Variants in AGBL2 observed in about 807,000 individuals in gnomAD.
AGBL2 encodes AGBL carboxypeptidase 2.
A neutral mutation model predicts 103.0 loss-of-function variants in AGBL2; 87 were observed. That is an observed-to-expected ratio of 0.84 (90% CI 0.71 to 1.01). The LOEUF (loss-of-function observed/expected upper bound fraction) is 1.01. Among genes scored for constraint, AGBL2 ranks in the 50% least tolerant of loss-of-function variants. The pLI is 0.00. For synonymous variants in AGBL2, 335 were observed against 356.7 expected (o/e 0.94, Z 0.69); for missense variants, 904 against 1,023.5 (o/e 0.88, Z 1.59).
At chr11:47,689,172 G>A (rs543813921) in intron 10 of AGBL2, among the ~76,000 whole-genome samples, 1 of 152,018 alleles carries the variant, frequency 6.6e-6, no homozygotes, top group Non-Finnish European at 1.5e-5. Context: ...CTTTCTTTGT[G>A]ATAGGCAATA....
chr11:47,678,458 C>T (rs910623149), intron 13 of AGBL2, among the ~76,000 whole-genome samples: 13 of 150,182 alleles, frequency 8.7e-5, no homozygotes, highest in African/African-American at 2.9e-4. Flanking sequence ...CTCAGCCTCC[C>T]GAGCAGCTGG....
chr11:47,669,702 T>TTC (rs1326998749), intron 14 of AGBL2, among the ~76,000 whole-genome samples: 1 of 151,980 alleles, frequency 6.6e-6, no homozygotes, highest in Non-Finnish European at 1.5e-5. Context: ...AGAAAAATTT[T>TTC]TTTTTGAGAC....
chr11:47,670,968 T>C (rs1035124132), intron 14 of AGBL2, among the ~76,000 whole-genome samples: 7 of 151,458 alleles, frequency 4.6e-5, no homozygotes, highest in African/African-American at 1.7e-4. Flanking sequence ...GACTCTAGCC[T>C]GGGCGACAGA....
In AGBL2 at chr11:47,690,483, C is replaced by T; in HGVS notation, c.1224G>A (p.Leu408=). The part of the protein sequence containing the change: ...YTYTDLQCYL[L]SVANNPIQSQ... ...ACTGGATAGGGTTGTTTGCCACTGA[C>T]AGGAGGTAGCATTGCAAATCAGTGT... The change falls in exon 10 of 19, where the codon CTG becomes CTA. Residue 408 remains leucine, a synonymous_variant. Transcript: ENST00000525123. 4 of 1,614,102 alleles carry T rather than the reference C, an allele frequency of 2.5e-6. No individual in the cohort carries two copies. Among genetic ancestry groups the T allele is most frequent in the Non-Finnish European group, 3.4e-6 (4 of 1,180,022 alleles).
At chr11:47,701,776 C>T (rs2097500056) in intron 7 of AGBL2, among the ~76,000 whole-genome samples, 1 of 151,838 alleles carries the variant, frequency 6.6e-6, no homozygotes, top group Non-Finnish European at 1.5e-5. Flanking sequence ...AGTTCGAGAC[C>T]AGCCTGGCCT....
At chr11:47,671,886 G>A (rs2097358630) in intron 14 of AGBL2, among the ~76,000 whole-genome samples, 1 of 152,190 alleles carries the variant, frequency 6.6e-6, no homozygotes, top group African/African-American at 2.4e-5. Context: ...CACACACAGA[G>A]CAAACTCAAA....
chr11:47,709,046 C>T (rs550221731), intron 4 of AGBL2, among the ~76,000 whole-genome samples: 67 of 152,188 alleles, frequency 4.4e-4, no homozygotes, highest in African/African-American at 1.5e-3. Context: ...AGCTTGAACC[C>T]GGGAGGCAGA....
chr11:47,674,613 C>T (rs147716233), intron 14 of AGBL2, among the ~76,000 whole-genome samples: 1 of 150,022 alleles, frequency 6.7e-6, no homozygotes, highest in East Asian at 2.0e-4. Flanking sequence ...ATAGAGGTAT[C>T]AGGAGGCTTA....
chr11:47,679,824 T>C, intron 13 of AGBL2, 149 bp downstream of exon 13: 1 of 462,276 alleles, frequency 2.2e-6, no homozygotes, highest in African/African-American at 2.0e-5. Context: ...GTATTTTTAG[T>C]AGAGAGAGGG....
At chr11:47,669,240 A>T (rs1167941982) in intron 14 of AGBL2, among the ~76,000 whole-genome samples, 2 of 152,090 alleles carry the variant, frequency 1.3e-5, no homozygotes, top group Non-Finnish European at 2.9e-5. Flanking sequence ...GCTAATTTTT[A>T]AAATTCTTGT....
At chr11:47,712,864 G>A (rs189932417) in intron 3 of AGBL2, among the ~76,000 whole-genome samples, 4 of 151,028 alleles carry the variant, frequency 2.6e-5, no homozygotes, top group South Asian at 2.1e-4. Context: ...TGGTGAAACC[G>A]TTTCTACTAA....
At chr11:47,684,848 C>T (rs1343371635) in intron 11 of AGBL2, among the ~76,000 whole-genome samples, 1 of 152,130 alleles carries the variant, frequency 6.6e-6, no homozygotes, top group East Asian at 1.9e-4. Flanking sequence ...TTTTGCTTGT[C>T]CTTCAATCTC....
At chr11:47,668,936 A>T in intron 14 of AGBL2, 29 bp from the exon 15 acceptor site, 2 of 1,516,228 alleles carry the variant, frequency 1.3e-6, no homozygotes, top group Non-Finnish European at 1.8e-6. Flanking sequence ...AAGAAGAGGA[A>T]ATAACTGTCA....
chr11:47,696,510 T>C (rs997684811), intron 8 of AGBL2, among the ~76,000 whole-genome samples: 21 of 152,072 alleles, frequency 1.4e-4, no homozygotes, highest in African/African-American at 4.8e-4. Context: ...CTGATCCACC[T>C]GCCTTGGCCT....
chr11:47,705,219 A>G (rs2097513298), intron 6 of AGBL2: 1 of 153,040 alleles, frequency 6.5e-6, no homozygotes, highest in Non-Finnish European at 1.5e-5. Flanking sequence ...CAAAGGAAAG[A>G]CAGACATAAA....
In AGBL2 at chr11:47,692,184, A is replaced by T; in HGVS notation, c.767T>A (p.Val256Asp). Residue 256 changes from valine (V) to aspartate (D), a missense_variant, in exon 9 of 19, where the codon GTC becomes GAC. Val to Asp is a radical substitution (Grantham distance 152). Transcript: ENST00000525123. Reference protein sequence around the residue: ...GKRGIVKELAVTLQGPEDNTL... With the variant: ...GKRGIVKELADTLQGPEDNTL... ...ATTATCTTCTGGTCCTTGCAACGTGACAGCAAGTTCCTTGACAATTCCTCG... is the reference window on the plus strand; with the variant it reads ...ATTATCTTCTGGTCCTTGCAACGTGTCAGCAAGTTCCTTGACAATTCCTCG... The T allele has an allele frequency of 1.2e-6, 2 of 1,613,866 alleles. No homozygotes were observed. The highest frequency in any genetic ancestry group is 1.7e-6 in the Non-Finnish European group (2 of 1,179,938).
chr11:47,711,725 G>A (rs926888582), intron 3 of AGBL2, among the ~76,000 whole-genome samples: 3 of 152,092 alleles, frequency 2.0e-5, no homozygotes, highest in Non-Finnish European at 4.4e-5. Context: ...AGTAGAGGTA[G>A]GGTTTTGCCA....
At chr11:47,702,099 T>C (rs1301039729) in intron 7 of AGBL2, among the ~76,000 whole-genome samples, 1 of 151,932 alleles carries the variant, frequency 6.6e-6, no homozygotes, top group Non-Finnish European at 1.5e-5. Flanking sequence ...TGCAGTGAGC[T>C]ATGATTGCAC....
intron 10 of AGBL2, among the ~76,000 whole-genome samples, chr11:47,688,318 G>A (rs900461134): frequency 6.6e-6 from 1 of 152,066 alleles, no homozygotes; most frequent in African/African-American, 2.4e-5. Flanking sequence ...AAGTTGACAA[G>A]GAAGTGCAAA....
Sources: allele counts gnomAD v4.1 joint callset (sites outside exome capture counted in the v4.1 genomes callset), GRCh38; gene constraint gnomAD v4.1.1; transcripts MANE v1.5; gene names NCBI Gene and HGNC (gene_info 2026-07-23, HGNC 2026-07-21).